DNLZ: variants seen among roughly 807,000 people sequenced by gnomAD.
The protein encoded by DNLZ is DNL-type zinc finger protein.
DNLZ carries 15 observed loss-of-function variants against 7.8 expected under a neutral mutation model. The ratio of observed to expected loss-of-function variants is 1.91; its 90% CI spans 1.28 to 2.95. The LOEUF (loss-of-function observed/expected upper bound fraction) is 2.95, where lower values mean the gene tolerates loss of function less well. Among genes scored for constraint, DNLZ ranks in the 30% most tolerant of loss-of-function variants. The probability of loss-of-function intolerance (pLI) is 0.00; values close to 1 mark genes in which losing one functional copy is unlikely to be tolerated. For missense variants in DNLZ, 255 were observed against 167.3 expected, an observed-to-expected ratio of 1.52 and a Z score of -2.89; for synonymous variants, 123 against 77.8, an observed-to-expected ratio of 1.58 and a Z score of -3.05.
rs745517264 is a variant in DNLZ at position 136,363,485 on chromosome 9, A to G, written c.228+2T>C. On this transcript the variant is annotated splice_donor_variant, in intron 1 of 2. Transcript: ENST00000371738. LOFTEE classifies it high-confidence loss of function. ...CCCGGTTCCGTCCCGCCGCGCGCCTACCTTGCAGGTGTAGACGAGCTGGTA... is the reference window on the plus strand; with the variant it reads ...CCCGGTTCCGTCCCGCCGCGCGCCTGCCTTGCAGGTGTAGACGAGCTGGTA... The G allele has an allele frequency of 3.9e-6, 3 of 760,230 alleles. No homozygotes were observed. The highest frequency in any genetic ancestry group is 7.2e-6 in the Non-Finnish European group (3 of 416,174). The allele number at this position is 760,230 out of a possible 1,614,324, so 47.1% of individuals were successfully genotyped here.
chr9:136,362,165 G>T lies in DNLZ; in HGVS notation c.384C>A (p.Ile128=), dbSNP rs751107569. ...DLNGKRNIEE[I]LTARGEQVHR... is the part of the protein sequence containing the mutation. Reference sequence around the variant, plus strand: ...GCACCTGCTCGCCTCTGGCCGTCAGGATCTCTTCGATATTTCTGGGGGGCA... The same window carrying T: ...GCACCTGCTCGCCTCTGGCCGTCAGTATCTCTTCGATATTTCTGGGGGGCA... The change falls in exon 3 of 3, where the codon ATC becomes ATA. Residue 128 remains isoleucine, a synonymous_variant. Coordinates refer to ENST00000371738, the MANE Select transcript of DNLZ (RefSeq NM_001080849.3). The T allele has an allele frequency of 4.0e-6, 6 of 1,493,700 alleles. No individual in the cohort carries two copies. In the East Asian group the frequency reaches 1.6e-4, roughly 40 times the overall value. 92.5% of individuals were successfully genotyped at this position (1,493,700 alleles called of 1,614,324 possible).
In DNLZ at chr9:136,361,547, ACGGCCGG is replaced by A. The variant is rs1284196801; in HGVS notation, c.*458_*464del. ...GCCTGGTTTGCTCACTGTTTCGCCG[ACGGCCGG>A]CGGCCGAGGACCAGGGCTCAGGTCT... On this transcript the variant is annotated 3_prime_UTR_variant, in exon 3 of 3. Transcript: ENST00000371738. 1.3e-5 allele frequency: 2 copies of A among 154,278 alleles called. No individual in the cohort carries two copies. Among genetic ancestry groups the A allele is most frequent in the Non-Finnish European group, 2.9e-5 (2 of 69,580 alleles). The allele number at this position is 154,278 out of a possible 1,614,324, so 9.6% of individuals were successfully genotyped here.
In DNLZ at chr9:136,361,380, CCA is replaced by C. The variant is rs1198526819; in HGVS notation, c.*630_*631del. The C allele has an allele frequency of 1.3e-5, 2 of 152,328 alleles. No homozygotes were observed. The highest frequency in any genetic ancestry group is 2.4e-5 in the African/African-American group (1 of 41,458). The allele number at this position is 152,328 out of a possible 1,614,324, so 9.4% of individuals were successfully genotyped here. ...CACAGACAAGGCTGGGAGACAAACCCCACACACCTCGGAGGGCCCTGGGGACG... is the reference window on the plus strand; with the variant it reads ...CACAGACAAGGCTGGGAGACAAACCCCACACCTCGGAGGGCCCTGGGGACG... On this transcript the variant is annotated 3_prime_UTR_variant, in exon 3 of 3. Transcript: ENST00000371738.
rs2131425128 is a variant in DNLZ at position 136,361,661 on chromosome 9, G to C, written c.*351C>G. On this transcript the variant is annotated 3_prime_UTR_variant, in exon 3 of 3. Coordinates refer to ENST00000371738, the MANE Select transcript of DNLZ (RefSeq NM_001080849.3). ...TGCAGAGGAAGGCTGAGGCTCACAG[G>C]GGTGGTGACCTGCTCAAAGTCACGC... The C allele has an allele frequency of 4.5e-6, 1 of 223,198 alleles. No individual in the cohort carries two copies. The highest frequency in any genetic ancestry group is 1.8e-4 in the South Asian group (1 of 5,494). 13.8% of individuals were successfully genotyped at this position (223,198 alleles called of 1,614,324 possible).
intron 1 of DNLZ, 85 bp downstream of exon 1, chr9:136,363,402 G>T (rs569431017): frequency 6.6e-6 from 5 of 755,468 alleles, no homozygotes; most frequent in African/African-American, 5.1e-5. Flanking sequence ...GCCGCCTCCC[G>T]GATCCCCGGC....
chr9:136,362,889 G>C (rs554933663), intron 2 of DNLZ, 100 bp downstream of exon 2: 8 of 1,100,680 alleles, frequency 7.3e-6, no homozygotes, highest in African/African-American at 1.5e-5. Flanking sequence ...GGATTTCCCA[G>C]GTGAGATCTA....
In DNLZ at chr9:136,362,981, G is replaced by C. The variant is rs1043220513; in HGVS notation, c.368+8C>G. 1.2e-6 allele frequency: 2 copies of C among 1,613,442 alleles called. No homozygotes were observed. Among genetic ancestry groups the C allele is most frequent in the Non-Finnish European group, 1.7e-6 (2 of 1,179,942 alleles). ...CCTTCTGGCCCAGCCCTGGGGTACA[G>C]GCCTCACCTCTTCCCATTCAGGTCC... On this transcript the variant is annotated splice_region_variant and intron_variant, in intron 2 of 2. Coordinates refer to ENST00000371738, the MANE Select transcript of DNLZ (RefSeq NM_001080849.3).
At position 136,363,732 on chromosome 9, in the gene DNLZ, T is replaced by TCCGCCCTGCCCCGGCC. The variant is rs567735744; in HGVS notation, c.-19_-18insGGCCGGGGCAGGGCGG. On this transcript the variant is annotated 5_prime_UTR_variant, in exon 1 of 3. Coordinates refer to ENST00000371738, the MANE Select transcript of DNLZ (RefSeq NM_001080849.3). ...CGCAGCATCCCGCTCGCCGGCTCCGTCCGCCCTGCCCCGGCCCCGCCCCGC... is the reference window on the plus strand; with the variant it reads ...CGCAGCATCCCGCTCGCCGGCTCCGTCCGCCCTGCCCCGGCCCCGCCCTGCCCCGGCCCCGCCCCGC... 2.7e-6 allele frequency: 1 copy of TCCGCCCTGCCCCGGCC among 375,596 alleles called. No individual in the cohort carries two copies. Among genetic ancestry groups the TCCGCCCTGCCCCGGCC allele is most frequent in the Non-Finnish European group, 4.7e-6 (1 of 211,352 alleles). The allele number at this position is 375,596 out of a possible 1,614,324, so 23.3% of individuals were successfully genotyped here. A position where few individuals can be genotyped will look rare whatever the true frequency, so the allele number is the denominator to read the frequency against.
In DNLZ at chr9:136,362,025, G is replaced by A. The variant is rs150429121; in HGVS notation, c.524C>T (p.Thr175Met). 1,121 of 1,331,596 alleles carry A rather than the reference G, an allele frequency of 8.4e-4. 6 individuals are homozygous for A. The highest frequency in any genetic ancestry group is 7.6e-3 in the South Asian group (339 of 44,654). 82.5% of individuals were successfully genotyped at this position (1,331,596 alleles called of 1,614,324 possible). ...EDEGPPSPGK[T>M]EPS ...GGAGCGCAGGAGTCAGCTCGGCTCCGTCTTGCCAGGGCTGGGGGGACCCTC... is the reference window on the plus strand; with the variant it reads ...GGAGCGCAGGAGTCAGCTCGGCTCCATCTTGCCAGGGCTGGGGGGACCCTC... Residue 175 changes from threonine (T) to methionine (M), a missense_variant, in exon 3 of 3, where the codon ACG (threonine) becomes ATG (methionine). By Grantham distance (81) the Thr-to-Met change is moderately conservative (BLOSUM62 -1). Coordinates refer to ENST00000371738, the MANE Select transcript of DNLZ (RefSeq NM_001080849.3).
At position 136,361,052 on chromosome 9, in the gene DNLZ, A is replaced by T. The variant is rs1474395607; in HGVS notation, c.*960T>A. The T allele has an allele frequency of 1.3e-5, 2 of 152,066 alleles. No individual in the cohort carries two copies. The highest frequency in any genetic ancestry group is 3.9e-4 in the East Asian group (2 of 5,192). 9.4% of individuals were successfully genotyped at this position (152,066 alleles called of 1,614,324 possible). A position where few individuals can be genotyped will look rare whatever the true frequency, so the allele number is the denominator to read the frequency against. Reference sequence around the variant, plus strand: ...GGGAATAATAGAGGGTTGTTGGCTGAAAGAAGGACAGGGGGTAATCGAGGC... The same window carrying T: ...GGGAATAATAGAGGGTTGTTGGCTGTAAGAAGGACAGGGGGTAATCGAGGC... On this transcript the variant is annotated 3_prime_UTR_variant, in exon 3 of 3. Coordinates refer to ENST00000371738, the MANE Select transcript of DNLZ (RefSeq NM_001080849.3).
rs1317532385 is a variant in DNLZ, at chr9:136,360,185, T to C, written c.*1827A>G. On this transcript the variant is annotated 3_prime_UTR_variant, in exon 3 of 3. Coordinates refer to ENST00000371738, the MANE Select transcript of DNLZ (RefSeq NM_001080849.3). The stretch of plus-strand genomic sequence containing the variant: ...TTGGCAGCCACAGCCTCTGTGCTGG[T>C]TGACTCCGTTGCCTCCTCCACCCCA... 6.6e-6 allele frequency: 1 copy of C among 152,260 alleles called. No individual in the cohort carries two copies. Among genetic ancestry groups the C allele is most frequent in the East Asian group, 1.9e-4 (1 of 5,198 alleles). 9.4% of individuals were successfully genotyped at this position (152,260 alleles called of 1,614,324 possible).
rs1832967631 is a variant in DNLZ at position 136,360,769 on chromosome 9, G to GT, written c.*1242dup. On this transcript the variant is annotated 3_prime_UTR_variant, in exon 3 of 3. Transcript: ENST00000371738. ...ACTACCAGCCGCCATCTCCCCATCC[G>GT]TAAGAGGAGGGGTTGGCCCAAGCGG... The GT allele has an allele frequency of 1.3e-5, 2 of 152,370 alleles. No individual in the cohort carries two copies. Among genetic ancestry groups the GT allele is most frequent in the Admixed American group, 6.5e-5 (1 of 15,306 alleles). The allele number at this position is 152,370 out of a possible 1,614,324, so 9.4% of individuals were successfully genotyped here.
chr9:136,363,336 C>G (rs935098200), intron 1 of DNLZ, 151 bp downstream of exon 1: 3 of 690,256 alleles, frequency 4.3e-6, no homozygotes, highest in African/African-American at 1.7e-5. Context: ...GGTCCGCCTC[C>G]GCTCCCTCCC....
At chr9:136,363,416 C>T in intron 1 of DNLZ, 71 bp downstream of exon 1, 1 of 758,412 alleles carries the variant, frequency 1.3e-6, no homozygotes, top group Non-Finnish European at 2.4e-6. Context: ...CCCCGGCGGG[C>T]CGCTTCTCCC....
intron 1 of DNLZ, 75 bp from the exon 2 acceptor site, chr9:136,363,203 G>A: frequency 1.3e-6 from 2 of 1,566,854 alleles, no homozygotes; most frequent in Non-Finnish European, 1.7e-6. Context: ...CCCTCTAGGG[G>A]TAGCTCCAGC....
At chr9:136,362,920 AG>A in intron 2 of DNLZ, 68 bp downstream of exon 2, 5 of 1,487,882 alleles carry the variant, frequency 3.4e-6, no homozygotes, top group Non-Finnish European at 4.7e-6. Context: ...CACTAGGGCA[AG>A]GTTCCCCCAG....
In DNLZ at chr9:136,359,675, G is replaced by A. The variant is rs1832947192; in HGVS notation, c.*2337C>T. On this transcript the variant is annotated 3_prime_UTR_variant, in exon 3 of 3. Transcript: ENST00000371738. ...GGCTGCACTGTGCAAAGTGTCCACA[G>A]ATACCCACTGTCTGGGCCCTCTGAG... 6.6e-6 allele frequency: 1 copy of A among 152,402 alleles called. No homozygotes were observed. The highest frequency in any genetic ancestry group is 6.5e-5 in the Admixed American group (1 of 15,292). The allele number at this position is 152,402 out of a possible 1,614,324, so 9.4% of individuals were successfully genotyped here. A position where few individuals can be genotyped will look rare whatever the true frequency, so the allele number is the denominator to read the frequency against.
Position 136,361,734 on chromosome 9 carries a change from C to T in DNLZ, c.*278G>A, listed in dbSNP as rs544023248. Reference sequence around the variant, plus strand: ...GACGCCACATCCAGCCCCCTTTCCACGCGACTGTGGCCTCTGTGGGCAAGA... The same window carrying T: ...GACGCCACATCCAGCCCCCTTTCCATGCGACTGTGGCCTCTGTGGGCAAGA... On this transcript the variant is annotated 3_prime_UTR_variant, in exon 3 of 3. Transcript: ENST00000371738. 5.7e-5 allele frequency: 20 copies of T among 351,318 alleles called. No individual in the cohort carries two copies. Among genetic ancestry groups the T allele is most frequent in the East Asian group, 4.2e-4 (10 of 23,802 alleles). The allele number at this position is 351,318 out of a possible 1,614,324, so 21.8% of individuals were successfully genotyped here.
rs1299584383 is a variant in DNLZ, at chr9:136,362,107, C to T, written c.442G>A (p.Val148Ile). The T allele has an allele frequency of 2.0e-6, 3 of 1,492,712 alleles. No individual in the cohort carries two copies. The highest frequency in any genetic ancestry group is 2.6e-5 in the Admixed American group (1 of 39,146). 92.5% of individuals were successfully genotyped at this position (1,492,712 alleles called of 1,614,324 possible). ...GTGGGGGCCCCTGCAGCCTCCAGAA[C>T]CAGTTCCAGGGCCCCCTCGCCCGCC... ...RVAGEGALEL[V>I]LEAAGAPTST... The change falls in exon 3 of 3, where the codon GTT (valine) becomes ATT (isoleucine). Residue 148 changes from valine to isoleucine, a missense_variant. By Grantham distance (29) the Val-to-Ile change is conservative (BLOSUM62 3). Transcript: ENST00000371738.
Sources: allele counts gnomAD v4.1 joint callset, GRCh38; gene constraint gnomAD v4.1.1; transcripts MANE v1.5; gene names NCBI Gene and HGNC (gene_info 2026-07-23, HGNC 2026-07-21).